The following C14orf132 variants were observed in gnomAD, a reference collection of about 807,000 sequenced individuals.
The protein encoded by C14orf132 is uncharacterized protein C14orf132.
In C14orf132, 6 loss-of-function variants were observed where a neutral mutation model predicts 5.8. The observed-to-expected ratio is 1.03, with a 90% CI of 0.57 to 2.04. The LOEUF (loss-of-function observed/expected upper bound fraction) is 2.04, where lower values mean the gene tolerates loss of function less well. C14orf132 is among the 30% of genes most tolerant of loss of function. The pLI is 0.00. For missense variants in C14orf132, 125 were observed against 115.8 expected (o/e 1.08, Z -0.37); for synonymous variants, 51 against 49.8 (o/e 1.02, Z -0.10).
At chr14:96,044,823 C>G (rs1009937628) in intron 1 of C14orf132, among the ~76,000 whole-genome samples, 3 of 152,196 alleles carry the variant, frequency 2.0e-5, no homozygotes, top group South Asian at 4.1e-4. Flanking sequence ...TATGAGGACA[C>G]CAGCCATATT....
At chr14:96,053,960 C>A (rs974563270) in intron 1 of C14orf132, among the ~76,000 whole-genome samples, 2 of 152,190 alleles carry the variant, frequency 1.3e-5, no homozygotes, top group East Asian at 3.9e-4. Context: ...ACCCTCAGGG[C>A]TAATGCAGTA....
chr14:96,070,581 G>GTCTCTC lies in C14orf132; in HGVS notation c.28-15919_28-15914dup, dbSNP rs150319643. On this transcript the variant is annotated intron_variant, in intron 1 of 1. Coordinates refer to ENST00000555004, the MANE Select transcript of C14orf132 (RefSeq NM_001252507.3). ...AGGTTCATTTGCCAGGGTAGATGAA[G>GTCTCTC]TCTCTCTCTCTCTCTCACACACACA... 4.2e-4 allele frequency among the ~76,000 whole-genome samples: 61 copies of GTCTCTC among 144,522 alleles called. No individual in the cohort carries two copies. In the East Asian group the frequency reaches 5.5e-3, roughly 13 times the overall value. The allele number at this position is 144,522 out of a possible 152,430, so 94.8% of individuals were successfully genotyped here. A position where few individuals can be genotyped will look rare whatever the true frequency, so the allele number is the denominator to read the frequency against.
chr14:96,046,470 G>A (rs1886834129), intron 1 of C14orf132, among the ~76,000 whole-genome samples: 2 of 152,182 alleles, frequency 1.3e-5, no homozygotes, highest in African/African-American at 4.8e-5. Context: ...GGCTTTATTA[G>A]GCTGAACCAT....
chr14:96,064,892 A>G (rs2139662891), intron 1 of C14orf132, among the ~76,000 whole-genome samples: 1 of 152,302 alleles, frequency 6.6e-6, no homozygotes, highest in South Asian at 2.1e-4. Context: ...GGCATTTTGC[A>G]TTTTCCATGC....
At chr14:96,069,927 C>G (rs770943661) in intron 1 of C14orf132, among the ~76,000 whole-genome samples, 9 of 152,210 alleles carry the variant, frequency 5.9e-5, no homozygotes, top group Non-Finnish European at 1.0e-4. Flanking sequence ...GTCTTCAAAC[C>G]TGTGCTCATT....
At chr14:96,074,868 T>TTA (rs1887817314) in intron 1 of C14orf132, among the ~76,000 whole-genome samples, 1 of 152,078 alleles carries the variant, frequency 6.6e-6, no homozygotes, top group Non-Finnish European at 1.5e-5. Context: ...CCAAATTTGT[T>TTA]TTCTTTTTCA....
At chr14:96,071,355 C>G (rs575838792) in intron 1 of C14orf132, among the ~76,000 whole-genome samples, 1 of 152,226 alleles carries the variant, frequency 6.6e-6, no homozygotes, top group African/African-American at 2.4e-5. Flanking sequence ...ATTTGGGGAG[C>G]TACAATTCAA....
chr14:96,049,653 T>TATATATAG (rs371381526), intron 1 of C14orf132, among the ~76,000 whole-genome samples: 1,164 of 82,266 alleles, frequency 0.014, 165 homozygotes, highest in East Asian at 0.05. Flanking sequence ...TATATATATA[T>TATATATAG]AGAGAGAGAG....
At chr14:96,079,016 T>C (rs1887957430) in intron 1 of C14orf132, among the ~76,000 whole-genome samples, 1 of 152,198 alleles carries the variant, frequency 6.6e-6, no homozygotes, top group Admixed American at 6.5e-5. Flanking sequence ...ACGTTCCCAG[T>C]GTAATCCACA....
At chr14:96,074,248 A>G (rs924123405) in intron 1 of C14orf132, among the ~76,000 whole-genome samples, 11 of 152,204 alleles carry the variant, frequency 7.2e-5, no homozygotes, top group Non-Finnish European at 1.5e-4. Context: ...AGTGTTCTTT[A>G]TATATTCTAC....
chr14:96,046,649 G>A (rs1424178792), intron 1 of C14orf132, among the ~76,000 whole-genome samples: 1 of 152,236 alleles, frequency 6.6e-6, no homozygotes, highest in Non-Finnish European at 1.5e-5. Flanking sequence ...CAGGTGGGAA[G>A]ATTCAGTCTC....
At chr14:96,047,394 C>A (rs1252613334) in intron 1 of C14orf132, among the ~76,000 whole-genome samples, 2 of 152,170 alleles carry the variant, frequency 1.3e-5, no homozygotes, top group Non-Finnish European at 2.9e-5. Flanking sequence ...GTTTAGGGAG[C>A]ACTTGCTGTG....
chr14:96,064,671 G>T (rs1272117503), intron 1 of C14orf132, among the ~76,000 whole-genome samples: 1 of 151,742 alleles, frequency 6.6e-6, no homozygotes. Flanking sequence ...TTGAGAACTT[G>T]GGGGAAGAGT....
In C14orf132 at chr14:96,039,475, A is replaced by C; in HGVS notation, c.-26A>C. The stretch of plus-strand genomic sequence containing the variant: ...CGCAGCGGCAGCGGCAGCAGCGAGG[A>C]CTCGAGCGCTGGCTGCAGCGACACC... On this transcript the variant is annotated 5_prime_UTR_variant, in exon 1 of 2. Transcript: ENST00000555004. The surrounding 1 kb of genome is among the most constrained non-coding windows in gnomAD (Gnocchi z 5.3). 1 of 1,498,020 alleles carries C rather than the reference A, an allele frequency of 6.7e-7. No individual in the cohort carries two copies. The highest frequency in any genetic ancestry group is 8.9e-7 in the Non-Finnish European group (1 of 1,126,136). 92.8% of individuals were successfully genotyped at this position (1,498,020 alleles called of 1,614,324 possible).
intron 1 of C14orf132, among the ~76,000 whole-genome samples, chr14:96,071,358 C>A (rs931629875): frequency 6.6e-6 from 1 of 152,122 alleles, no homozygotes; most frequent in South Asian, 2.1e-4. Context: ...TGGGGAGCTA[C>A]AATTCAAGAT....
chr14:96,056,725 A>T (rs1239466649), intron 1 of C14orf132, among the ~76,000 whole-genome samples: 5 of 152,136 alleles, frequency 3.3e-5, no homozygotes, highest in Non-Finnish European at 5.9e-5. Flanking sequence ...TTGAGTGGGT[A>T]GACCCTAAGA....
Position 96,039,398 on chromosome 14 carries a change from C to T in C14orf132, c.-103C>T. 8.1e-7 allele frequency: 1 copy of T among 1,239,956 alleles called. No homozygotes were observed. The allele number at this position is 1,239,956 out of a possible 1,614,324, so 76.8% of individuals were successfully genotyped here. On this transcript the variant is annotated 5_prime_UTR_variant, in exon 1 of 2. Transcript: ENST00000555004. The surrounding 1 kb of genome is among the most constrained non-coding windows in gnomAD (Gnocchi z 5.3). ...GACAGCCGAGTGCGCCGTGCGGTCT[C>T]CGGACGCTCGCTGCTCAGCCCGATC...
chr14:96,057,859 A>G (rs1887225667), intron 1 of C14orf132, among the ~76,000 whole-genome samples: 1 of 152,176 alleles, frequency 6.6e-6, no homozygotes, highest in African/African-American at 2.4e-5. Flanking sequence ...ATGTGGAGGC[A>G]CTGAAATTCC....
At chr14:96,085,483 G>A (rs1423532227) in intron 1 of C14orf132, among the ~76,000 whole-genome samples, 1 of 152,174 alleles carries the variant, frequency 6.6e-6, no homozygotes, top group Non-Finnish European at 1.5e-5. Flanking sequence ...CCCCTCCCTT[G>A]GAGCACCCCA....
Sources: gnomAD v4.1 joint callset for allele counts (sites outside exome capture counted in the v4.1 genomes callset) on GRCh38, gnomAD v4.1.1 for gene constraint, Gnocchi (gnomAD v3.1) non-coding constraint, MANE v1.5 for transcripts, NCBI Gene and HGNC (gene_info 2026-07-23, HGNC 2026-07-21) for gene names.